Variants in TBCK observed in about 807,000 individuals in gnomAD.
TBCK encodes TBC domain-containing protein kinase-like protein.
In TBCK, 99 loss-of-function variants were observed where a neutral mutation model predicts 113.4. The observed-to-expected ratio is 0.87, with a 90% CI of 0.74 to 1.03. The LOEUF is 1.03. Ranked by LOEUF, TBCK falls within the 50% of genes least tolerant of loss-of-function variation. The probability of loss-of-function intolerance (pLI) is 0.00; values close to 1 mark genes in which losing one functional copy is unlikely to be tolerated. For synonymous variants in TBCK, 369 were observed against 370.8 expected (o/e 1.00, Z 0.05); for missense variants, 1,045 against 1,061.3 (o/e 0.98, Z 0.21).
At chr4:106,307,354 A>G (rs1767638932) in intron 2 of TBCK, among the ~76,000 whole-genome samples, 2 of 152,180 alleles carry the variant, frequency 1.3e-5, no homozygotes, top group Admixed American at 1.3e-4. Context: ...TAAAATATGT[A>G]ATTAAAATAT....
At chr4:106,170,395 T>C (rs1750851048) in intron 23 of TBCK, among the ~76,000 whole-genome samples, 1 of 152,110 alleles carries the variant, frequency 6.6e-6, no homozygotes, top group South Asian at 2.1e-4. Context: ...ATTGTAATTA[T>C]TGAAATTGCT....
rs189598153 is a variant in TBCK at position 106,260,394 on chromosome 4, A to G, written c.455+43T>C. 2.9e-3 allele frequency: 2,251 copies of G among 785,198 alleles called. 10 individuals carry two copies. Among genetic ancestry groups the G allele is most frequent in the Middle Eastern group, 0.018 (66 of 3,696 alleles). 48.6% of individuals were successfully genotyped at this position (785,198 alleles called of 1,614,324 possible). On this transcript the variant is annotated intron_variant, in intron 5 of 25. Coordinates refer to ENST00000394708, the MANE Select transcript of TBCK (RefSeq NM_001163435.3). ...AAATATACATGTTATCAAAGATTAC[A>G]AAGTTAAAAAGAAACTCAAAATAGA...
At chr4:106,061,067 A>C (rs1017337295) in intron 25 of TBCK, among the ~76,000 whole-genome samples, 7 of 151,804 alleles carry the variant, frequency 4.6e-5, no homozygotes, top group Non-Finnish European at 2.9e-5. Flanking sequence ...TTTTCTTGAG[A>C]TGCAATCTAC....
intron 25 of TBCK, among the ~76,000 whole-genome samples, chr4:106,082,409 G>A (rs1738989801): frequency 6.6e-6 from 1 of 152,214 alleles, no homozygotes; most frequent in South Asian, 2.1e-4. Context: ...ACACACAGAA[G>A]GGAATAATAG....
chr4:106,252,356 G>C (rs1010496460), intron 5 of TBCK, among the ~76,000 whole-genome samples: 2 of 151,438 alleles, frequency 1.3e-5, no homozygotes, highest in African/African-American at 4.8e-5. Context: ...TATTTAAAGT[G>C]CATTTTATCT....
At chr4:106,063,777 GA>G (rs1326610549) in intron 25 of TBCK, among the ~76,000 whole-genome samples, 1 of 151,862 alleles carries the variant, frequency 6.6e-6, no homozygotes, top group Non-Finnish European at 1.5e-5. Flanking sequence ...AAGGACCTGA[GA>G]GAGCTTCCTT....
At chr4:106,132,898 G>A (rs1746122552) in intron 23 of TBCK, among the ~76,000 whole-genome samples, 1 of 152,208 alleles carries the variant, frequency 6.6e-6, no homozygotes, top group African/African-American at 2.4e-5. Context: ...CCTTTGGAAT[G>A]GGTGTATTTA....
intron 23 of TBCK, among the ~76,000 whole-genome samples, chr4:106,128,257 C>A (rs181107993): frequency 6.6e-6 from 1 of 152,088 alleles, no homozygotes; most frequent in Non-Finnish European, 1.5e-5. Context: ...AAAAAGAAAA[C>A]CCCATTGTAG....
chr4:106,058,045 T>C (rs910479369), intron 25 of TBCK, among the ~76,000 whole-genome samples: 10 of 151,888 alleles, frequency 6.6e-5, no homozygotes, highest in African/African-American at 1.9e-4. Context: ...AAACTATTAT[T>C]TTCACATGCT....
intron 25 of TBCK, among the ~76,000 whole-genome samples, chr4:106,073,551 C>T (rs1221447161): frequency 2.6e-5 from 4 of 152,200 alleles, no homozygotes; most frequent in South Asian, 2.1e-4. Flanking sequence ...GAGGTATCTC[C>T]CAGTTAGGCT....
intron 10 of TBCK, 70 bp downstream of exon 10, chr4:106,247,069 G>A (rs1335881209): frequency 6.1e-6 from 9 of 1,474,488 alleles, no homozygotes; most frequent in Admixed American, 4.1e-5. Context: ...GTTCAAAACT[G>A]AAAGTAGGAC....
chr4:106,247,046 A>G, intron 10 of TBCK, 93 bp downstream of exon 10: 2 of 1,232,484 alleles, frequency 1.6e-6, no homozygotes, highest in Non-Finnish European at 2.3e-6. Context: ...CCACCAATAT[A>G]TATTGTTGAT....
At chr4:106,250,037 T>G (rs1280469923) in intron 7 of TBCK, among the ~76,000 whole-genome samples, 3 of 152,096 alleles carry the variant, frequency 2.0e-5, no homozygotes, top group African/African-American at 7.2e-5. Context: ...TCTTCTTGAG[T>G]TGTTATTTGT....
chr4:106,145,330 C>T (rs571840879), intron 23 of TBCK, among the ~76,000 whole-genome samples: 2 of 152,078 alleles, frequency 1.3e-5, no homozygotes, highest in South Asian at 2.1e-4. Flanking sequence ...AACAGCAACA[C>T]CACAAAACAA....
chr4:106,180,202 A>C (rs1021519728), intron 22 of TBCK, among the ~76,000 whole-genome samples: 8 of 151,784 alleles, frequency 5.3e-5, no homozygotes, highest in African/African-American at 1.9e-4. Flanking sequence ...TTTTTATTGG[A>C]TAATTAATTT....
intron 19 of TBCK, among the ~76,000 whole-genome samples, chr4:106,217,846 T>A (rs1757155410): frequency 6.7e-6 from 1 of 149,018 alleles, no homozygotes; most frequent in African/African-American, 2.4e-5. Context: ...AATGACTTTC[T>A]TCACAGAATT....
intron 19 of TBCK, among the ~76,000 whole-genome samples, chr4:106,227,306 T>A (rs1579316676): frequency 1.3e-5 from 2 of 152,164 alleles, no homozygotes; most frequent in East Asian, 3.9e-4. Context: ...ACAAAATTTT[T>A]AAAAAGTTTT....
At chr4:106,200,835 A>G (rs1265233265) in intron 20 of TBCK, among the ~76,000 whole-genome samples, 1 of 152,150 alleles carries the variant, frequency 6.6e-6, no homozygotes, top group Non-Finnish European at 1.5e-5. Flanking sequence ...AAACACAATG[A>G]AAATCAATGA....
intron 19 of TBCK, among the ~76,000 whole-genome samples, chr4:106,214,517 TA>T (rs1460256924): frequency 6.6e-6 from 1 of 151,774 alleles, no homozygotes; most frequent in African/African-American, 2.4e-5. Flanking sequence ...GAGAAGTGCT[TA>T]AAGGAGCTGA....
Sources: allele counts gnomAD v4.1 joint callset (sites outside exome capture counted in the v4.1 genomes callset), GRCh38; gene constraint gnomAD v4.1.1; transcripts MANE v1.5; gene names NCBI Gene and HGNC (gene_info 2026-07-23, HGNC 2026-07-21).